Variants in SUMF1 observed in about 807,000 individuals in gnomAD.
The protein encoded by SUMF1 is formylglycine-generating enzyme.
Under a neutral mutation model 47.6 loss-of-function variants are expected in SUMF1, and 48 were observed. The observed-to-expected ratio is 1.01, with a 90% CI of 0.80 to 1.28. The LOEUF is 1.28. Among genes scored for constraint, SUMF1 ranks in the 50% most tolerant of loss-of-function variants. The probability of loss-of-function intolerance (pLI) is 0.00; values close to 1 mark genes in which losing one functional copy is unlikely to be tolerated. For synonymous variants in SUMF1, 230 were observed against 192.1 expected (o/e 1.20, Z -1.63); for missense variants, 571 against 485.4 (o/e 1.18, Z -1.66).
chr3:4,228,122 T>C (rs1051740018), intron 8 of SUMF1, among the ~76,000 whole-genome samples: 1 of 152,032 alleles, frequency 6.6e-6, no homozygotes, highest in Non-Finnish European at 1.5e-5. Context: ...GAGAGGTAGT[T>C]GGGGTTGGAC....
chr3:4,209,208 G>C (rs540875440), intron 8 of SUMF1, among the ~76,000 whole-genome samples: 1 of 152,130 alleles, frequency 6.6e-6, no homozygotes, highest in African/African-American at 2.4e-5. Flanking sequence ...TTGACTTTAA[G>C]GACCTACAAT....
intron 8 of SUMF1, among the ~76,000 whole-genome samples, chr3:4,096,083 A>G (rs1159068633): frequency 6.6e-6 from 1 of 152,196 alleles, no homozygotes; most frequent in Non-Finnish European, 1.5e-5. Flanking sequence ...CTATATGAAC[A>G]AGATATCCTA....
At chr3:4,128,249 C>G (rs748720760) in intron 8 of SUMF1, among the ~76,000 whole-genome samples, 1 of 152,166 alleles carries the variant, frequency 6.6e-6, no homozygotes, top group Non-Finnish European at 1.5e-5. Flanking sequence ...AAAAGTTGCA[C>G]GCACAGCCTC....
At chr3:4,253,434 G>T (rs142034373) in intron 8 of SUMF1, among the ~76,000 whole-genome samples, 1 of 152,154 alleles carries the variant, frequency 6.6e-6, no homozygotes, top group South Asian at 2.1e-4. Flanking sequence ...GCAGGGCGAG[G>T]CATTGCCTCA....
At chr3:4,454,777 G>A (rs1261039173) in intron 1 of SUMF1, among the ~76,000 whole-genome samples, 2 of 152,124 alleles carry the variant, frequency 1.3e-5, no homozygotes, top group African/African-American at 2.4e-5. Flanking sequence ...TACAACATGC[G>A]TGAACCTTGA....
At position 4,152,501 on chromosome 3, in the gene SUMF1, C is replaced by G. The variant is rs554753975; in HGVS notation, c.1015-83756G>C. ...TTTTCTGATGTCTCGTCATAGTGTC[C>G]AGGCTGGTCTCAAACTCCTGGGCTC... On this transcript the variant is annotated intron_variant and NMD_transcript_variant, in intron 8 of 12. Coordinates refer to the SUMF1 transcript ENST00000448413. Among the ~76,000 whole-genome samples the G allele has an allele frequency of 1.3e-5, 2 of 150,756 alleles. 1 individual carries two copies. Among genetic ancestry groups the G allele is most frequent in the African/African-American group, 5.0e-5 (2 of 40,362 alleles).
At chr3:4,336,770 T>G (rs140792202) in intron 8 of SUMF1, among the ~76,000 whole-genome samples, 167 of 152,364 alleles carry the variant, frequency 1.1e-3, no homozygotes, top group African/African-American at 3.9e-3. Flanking sequence ...TGATATTCTG[T>G]CAACTTTTAG....
chr3:4,311,865 A>C (rs1698418613), intron 8 of SUMF1, among the ~76,000 whole-genome samples: 1 of 152,218 alleles, frequency 6.6e-6, no homozygotes, highest in Admixed American at 6.5e-5. Context: ...TATATACATA[A>C]AAAAATCTGC....
chr3:4,185,633 C>T (rs751085713), intron 8 of SUMF1, among the ~76,000 whole-genome samples: 26 of 152,036 alleles, frequency 1.7e-4, no homozygotes, highest in Non-Finnish European at 3.2e-4. Flanking sequence ...GAACCCCAAA[C>T]AATGATATCA....
At chr3:4,093,201 A>G (rs1199636993) in intron 8 of SUMF1, among the ~76,000 whole-genome samples, 8 of 152,170 alleles carry the variant, frequency 5.3e-5, no homozygotes, top group Admixed American at 2.0e-4. Context: ...ATTAAGTTAA[A>G]TAAAATTAAA....
At chr3:4,051,660 G>A (rs997860759) in intron 9 of SUMF1, among the ~76,000 whole-genome samples, 3 of 152,098 alleles carry the variant, frequency 2.0e-5, no homozygotes, top group African/African-American at 7.2e-5. Context: ...CAGTCCTCAA[G>A]GACAAGTCTC....
At chr3:4,182,628 T>C (rs944104427) in intron 8 of SUMF1, among the ~76,000 whole-genome samples, 14 of 152,082 alleles carry the variant, frequency 9.2e-5, no homozygotes, top group Non-Finnish European at 2.1e-4. Context: ...ATGCTGGTGT[T>C]CATTCTCTCT....
intron 8 of SUMF1, among the ~76,000 whole-genome samples, chr3:4,248,497 T>C (rs1373614616): frequency 6.6e-6 from 1 of 152,138 alleles, no homozygotes; most frequent in Admixed American, 6.5e-5. Context: ...CTCAAAACCA[T>C]TCCTAGTCTG....
chr3:4,397,321 T>A lies in SUMF1; in HGVS notation c.954+13544A>T, dbSNP rs547689571. Among the ~76,000 whole-genome samples, 441 of 152,330 alleles carry A rather than the reference T, an allele frequency of 2.9e-3. 4 individuals are homozygous for A. The highest frequency in any genetic ancestry group is 0.01 in the African/African-American group (428 of 41,588). Reference sequence around the variant, plus strand: ...GTACAGACTACATTCACTGAAAGATTTGCTCCAGAATCAATCACTTATATT... The same window carrying A: ...GTACAGACTACATTCACTGAAAGATATGCTCCAGAATCAATCACTTATATT... On this transcript the variant is annotated intron_variant, in intron 7 of 8. Coordinates refer to ENST00000272902, the MANE Select transcript of SUMF1 (RefSeq NM_182760.4).
chr3:4,411,281 G>A (rs1464525477), intron 6 of SUMF1, among the ~76,000 whole-genome samples: 1 of 152,054 alleles, frequency 6.6e-6, no homozygotes, highest in Non-Finnish European at 1.5e-5. Flanking sequence ...TCAAACATTG[G>A]GTGAGTAGGG....
chr3:4,245,136 ATCTAACCTTTTT>A (rs1696633099), intron 8 of SUMF1, among the ~76,000 whole-genome samples: 1 of 152,002 alleles, frequency 6.6e-6, no homozygotes, highest in Admixed American at 6.6e-5. Context: ...CTAGCCATTC[ATCTAACCTTTTT>A]TCAAGGTTTT....
intron 8 of SUMF1, among the ~76,000 whole-genome samples, chr3:4,186,042 G>C (rs1695194318): frequency 6.6e-6 from 1 of 152,122 alleles, no homozygotes; most frequent in South Asian, 2.1e-4. Context: ...GTATCTTCAA[G>C]ATGACCAATT....
At chr3:4,111,693 T>C (rs555520404) in intron 8 of SUMF1, among the ~76,000 whole-genome samples, 3 of 152,114 alleles carry the variant, frequency 2.0e-5, no homozygotes, top group African/African-American at 7.2e-5. Flanking sequence ...GAGCCGAGAT[T>C]GTGCCATTGC....
At chr3:4,311,551 G>T (rs1051785654) in intron 8 of SUMF1, among the ~76,000 whole-genome samples, 1 of 152,136 alleles carries the variant, frequency 6.6e-6, no homozygotes, top group African/African-American at 2.4e-5. Context: ...TTCCTTCCTG[G>T]TATCAGTACT....
Sources: allele counts gnomAD v4.1 joint callset (sites outside exome capture counted in the v4.1 genomes callset), GRCh38; gene constraint gnomAD v4.1.1; transcripts MANE v1.5; gene names NCBI Gene and HGNC (gene_info 2026-07-23, HGNC 2026-07-21).